Variants in LRFN5 observed in about 807,000 individuals in gnomAD.
The protein encoded by LRFN5 is leucine-rich repeat and fibronectin type-III domain-containing protein 5.
LRFN5 carries 24 observed loss-of-function variants against 45.6 expected under a neutral mutation model. The ratio of observed to expected loss-of-function variants is 0.53; its 90% CI spans 0.38 to 0.74. The LOEUF is 0.74. Ranked by LOEUF, LRFN5 falls within the 30% of genes least tolerant of loss-of-function variation. LRFN5 has a pLI of 0.00. For missense variants in LRFN5, 776 were observed against 861.5 expected (o/e 0.90, Z 1.24); for synonymous variants, 340 against 313.8 (o/e 1.08, Z -0.88).
chr14:41,896,667 C>T (rs1171366769), intron 4 of LRFN5, among the ~76,000 whole-genome samples: 1 of 151,920 alleles, frequency 6.6e-6, no homozygotes, highest in African/African-American at 2.4e-5. Flanking sequence ...CTTTTTCTTC[C>T]CATGCTAGAT....
intron 1 of LRFN5, among the ~76,000 whole-genome samples, chr14:41,765,193 T>G (rs1463454296): frequency 1.3e-5 from 2 of 151,694 alleles, no homozygotes; most frequent in Admixed American, 6.6e-5. Context: ...TACAAAAAAA[T>G]TAGCCGGGCG....
chr14:41,709,805 A>T (rs1566631028), intron 1 of LRFN5, among the ~76,000 whole-genome samples: 1 of 152,058 alleles, frequency 6.6e-6, no homozygotes, highest in Non-Finnish European at 1.5e-5. Context: ...TAAAAAGTAG[A>T]TTTGTCTCAA....
intron 2 of LRFN5, among the ~76,000 whole-genome samples, chr14:41,844,718 C>G (rs1888999581): frequency 1.3e-5 from 2 of 152,116 alleles, no homozygotes; most frequent in South Asian, 4.1e-4. Context: ...CCAACATGGT[C>G]AGTTTCAAGC....
intron 2 of LRFN5, among the ~76,000 whole-genome samples, chr14:41,865,511 G>A (rs932249342): frequency 2.0e-5 from 3 of 152,088 alleles, no homozygotes; most frequent in Non-Finnish European, 2.9e-5. Flanking sequence ...TTGCCATAAT[G>A]AGTAATATTG....
intron 1 of LRFN5, among the ~76,000 whole-genome samples, chr14:41,692,764 A>G (rs1020749188): frequency 2.0e-5 from 3 of 152,160 alleles, no homozygotes; most frequent in Non-Finnish European, 4.4e-5. Context: ...TTTCTTTTAC[A>G]GTGTGAATTG....
intron 1 of LRFN5, among the ~76,000 whole-genome samples, chr14:41,755,182 C>A (rs1209457642): frequency 6.6e-6 from 1 of 152,104 alleles, no homozygotes. Flanking sequence ...GCTTTACTTC[C>A]AACTATGTGG....
rs953085179 is a variant in LRFN5 at position 41,887,372 on chromosome 14, G to A, written c.747G>A (p.Leu249=). The A allele has an allele frequency of 1.9e-6, 3 of 1,614,054 alleles. No homozygotes were observed. The Admixed American group carries it at 5.0e-5, about 27-fold the overall frequency. Residue 249 remains leucine, a synonymous_variant, in exon 3 of 6, where the codon TTG becomes TTA. Transcript: ENST00000298119. This position sits in a 1 kb window ranked among gnomAD's most constrained non-coding sequence, Gnocchi z 4.8. ...GNPLHCNCEL[L]WLRRLSREDD... ...CCTTGCATTGCAATTGTGAATTGTT[G>A]TGGTTGAGGCGTCTGTCCAGAGAAG...
At chr14:41,702,140 T>C (rs191773563) in intron 1 of LRFN5, among the ~76,000 whole-genome samples, 2 of 152,252 alleles carry the variant, frequency 1.3e-5, no homozygotes, top group East Asian at 3.9e-4. Flanking sequence ...AGAATTTAAA[T>C]AAAATCCTGC....
intron 3 of LRFN5, among the ~76,000 whole-genome samples, chr14:41,890,880 A>C (rs1039353190): frequency 2.0e-5 from 3 of 152,138 alleles, no homozygotes; most frequent in African/African-American, 7.2e-5. Flanking sequence ...GCTTTTAGTC[A>C]TAGAGGTATT....
intron 1 of LRFN5, among the ~76,000 whole-genome samples, chr14:41,638,767 A>G (rs1382511449): frequency 1.3e-5 from 2 of 152,070 alleles, no homozygotes; most frequent in Non-Finnish European, 2.9e-5. Context: ...AAATTATGTA[A>G]TGTATAAACA....
At chr14:41,642,258 A>C (rs1879613408) in intron 1 of LRFN5, among the ~76,000 whole-genome samples, 1 of 152,184 alleles carries the variant, frequency 6.6e-6, no homozygotes, top group Non-Finnish European at 1.5e-5. Context: ...CACAAAGTAC[A>C]ATCTGGCTAG....
At chr14:41,626,886 A>T (rs953782222) in intron 1 of LRFN5, among the ~76,000 whole-genome samples, 1 of 152,122 alleles carries the variant, frequency 6.6e-6, no homozygotes, top group Non-Finnish European at 1.5e-5. Flanking sequence ...TTCCACATTA[A>T]CAGAGATAAA....
intron 1 of LRFN5, among the ~76,000 whole-genome samples, chr14:41,639,949 ATTTTTTT>A (rs34020254): frequency 8.8e-5 from 6 of 68,082 alleles, no homozygotes; most frequent in South Asian, 1.4e-3. Context: ...TGACTGGCTA[ATTTTTTT>A]TTTTTTTTTT....
chr14:41,867,119 A>C (rs1450861652), intron 2 of LRFN5, among the ~76,000 whole-genome samples: 1 of 152,146 alleles, frequency 6.6e-6, no homozygotes, highest in Non-Finnish European at 1.5e-5. Flanking sequence ...TCCATAAGGC[A>C]GTACAAGTAT....
chr14:41,904,307 C>A lies in LRFN5; in HGVS notation c.*132C>A. ...TCGTAGAAGAAATTGTCTACAGGAG[C>A]CAAGGTGAAAGTCTCTGATGACGGC... On this transcript the variant is annotated 3_prime_UTR_variant, in exon 6 of 6. Transcript: ENST00000298119. The A allele has an allele frequency of 8.9e-7, 1 of 1,126,084 alleles. No homozygotes were observed. Among genetic ancestry groups the A allele is most frequent in the Non-Finnish European group, 1.3e-6 (1 of 759,474 alleles). 69.8% of individuals were successfully genotyped at this position (1,126,084 alleles called of 1,614,324 possible). A position where few individuals can be genotyped will look rare whatever the true frequency, so the allele number is the denominator to read the frequency against.
intron 1 of LRFN5, among the ~76,000 whole-genome samples, chr14:41,671,226 A>C (rs1209893496): frequency 6.6e-6 from 1 of 152,172 alleles, no homozygotes; most frequent in Non-Finnish European, 1.5e-5. Flanking sequence ...TTAAGTTCTC[A>C]ATATCGTAAT....
At chr14:41,875,007 G>C (rs1015353727) in intron 2 of LRFN5, among the ~76,000 whole-genome samples, 5 of 152,100 alleles carry the variant, frequency 3.3e-5, no homozygotes, top group African/African-American at 1.2e-4. Context: ...CCACCAACTG[G>C]GTCCCTCCCA....
At chr14:41,822,587 T>C (rs1206324906) in intron 2 of LRFN5, among the ~76,000 whole-genome samples, 6 of 151,988 alleles carry the variant, frequency 3.9e-5, no homozygotes, top group Non-Finnish European at 7.4e-5. Context: ...TTTTGGAAAA[T>C]GTTCTATATG....
chr14:41,879,881 T>TG (rs1474609869), intron 2 of LRFN5, among the ~76,000 whole-genome samples: 1 of 150,622 alleles, frequency 6.6e-6, no homozygotes, highest in Non-Finnish European at 1.5e-5. Flanking sequence ...GTTTCTCTCA[T>TG]TTTTTCTTAA....
Sources: gnomAD v4.1 joint callset for allele counts (sites outside exome capture counted in the v4.1 genomes callset) on GRCh38, gnomAD v4.1.1 for gene constraint, Gnocchi (gnomAD v3.1) non-coding constraint, MANE v1.5 for transcripts, NCBI Gene and HGNC (gene_info 2026-07-23, HGNC 2026-07-21) for gene names.